Variants in SLC25A48 observed in about 807,000 individuals in gnomAD.
SLC25A48 encodes CTC-321K16.1.
In SLC25A48, 29 loss-of-function variants were observed where a neutral mutation model predicts 32.2. The ratio of observed to expected loss-of-function variants is 0.90; its 90% CI spans 0.67 to 1.23. The LOEUF is 1.23. SLC25A48 is among the 50% of genes most tolerant of loss of function. The pLI, the probability that SLC25A48 is intolerant of heterozygous loss-of-function variation, is 0.00. For missense variants in SLC25A48, 399 were observed against 422.7 expected, an observed-to-expected ratio of 0.94 and a Z score of 0.49; for synonymous variants, 164 against 172.3, an observed-to-expected ratio of 0.95 and a Z score of 0.38.
chr5:135,705,862 A>G (rs967729685), intron 3 of SLC25A48, among the ~76,000 whole-genome samples: 1 of 152,130 alleles, frequency 6.6e-6, no homozygotes, highest in Non-Finnish European at 1.5e-5. Context: ...GCTGGTCCCC[A>G]TGGCAAAGTC....
chr5:135,583,752 A>C (rs1216068618), intron 1 of SLC25A48, among the ~76,000 whole-genome samples: 1 of 152,026 alleles, frequency 6.6e-6, no homozygotes, highest in Non-Finnish European at 1.5e-5. Context: ...GTCACCCCAA[A>C]ATACCTGCTT....
At chr5:135,604,122 G>A (rs1209210805) in intron 1 of SLC25A48, among the ~76,000 whole-genome samples, 8 of 152,190 alleles carry the variant, frequency 5.3e-5, no homozygotes, top group East Asian at 1.9e-4. Flanking sequence ...CCTCTGTGCA[G>A]GTGAGAAAAC....
upstream of SLC25A48, among the ~76,000 whole-genome samples, chr5:135,832,110 G>A (rs541638450): frequency 6.6e-5 from 10 of 152,090 alleles, no homozygotes; most frequent in African/African-American, 1.9e-4. Flanking sequence ...AGAGTTCATC[G>A]AGGGATGCGC....
chr5:135,812,794 C>A (rs1373508106), exon 4 of SLC25A48: 1 of 151,818 alleles, frequency 6.6e-6, no homozygotes, highest in Non-Finnish European at 1.5e-5. Flanking sequence ...TTCACCCCAG[C>A]TGCCCATGTA....
At chr5:135,709,919 T>G (rs943102192) in intron 3 of SLC25A48, among the ~76,000 whole-genome samples, 4 of 152,164 alleles carry the variant, frequency 2.6e-5, no homozygotes, top group Admixed American at 6.5e-5. Flanking sequence ...TATTATCACC[T>G]AGGTCGTTGG....
intron 4 of SLC25A48, among the ~76,000 whole-genome samples, chr5:135,865,639 C>T (rs1400517117): frequency 1.3e-5 from 2 of 152,082 alleles, no homozygotes; most frequent in Admixed American, 6.5e-5. Context: ...ATATGGGACT[C>T]GGGCCATAGT....
intron 3 of SLC25A48, among the ~76,000 whole-genome samples, chr5:135,722,540 T>G (rs1754981510): frequency 6.6e-6 from 1 of 152,240 alleles, no homozygotes; most frequent in African/African-American, 2.4e-5. Context: ...TGGAACTGAA[T>G]CTCATTCTGT....
chr5:135,876,589 A>G (rs1295680820), intron 6 of SLC25A48, among the ~76,000 whole-genome samples: 1 of 152,128 alleles, frequency 6.6e-6, no homozygotes, highest in East Asian at 1.9e-4. Flanking sequence ...ATGAGGATAT[A>G]CTATCTCGAT....
At chr5:135,797,369 A>G (rs1370882430) in intron 3 of SLC25A48, among the ~76,000 whole-genome samples, 1 of 151,910 alleles carries the variant, frequency 6.6e-6, no homozygotes, top group East Asian at 1.9e-4. Flanking sequence ...ATTATTTCTA[A>G]TATCGTGAGG....
intron 3 of SLC25A48, among the ~76,000 whole-genome samples, chr5:135,672,435 G>A (rs1273154334): frequency 2.0e-5 from 3 of 152,182 alleles, no homozygotes; most frequent in African/African-American, 7.2e-5. Flanking sequence ...TCCATCACCA[G>A]ACAGGTTAAA....
At chr5:135,742,730 G>A (rs1487071004) in intron 3 of SLC25A48, 1 of 380,920 alleles carries the variant, frequency 2.6e-6, no homozygotes, top group Non-Finnish European at 4.8e-6. Flanking sequence ...GTCAACAGTA[G>A]AAGTAAGTGC....
At chr5:135,792,574 A>G (rs566269549) in intron 3 of SLC25A48, among the ~76,000 whole-genome samples, 101 of 151,646 alleles carry the variant, frequency 6.7e-4, no homozygotes, top group African/African-American at 2.3e-3. Flanking sequence ...AGTTTTGGAG[A>G]TATTACTCTC....
chr5:135,603,345 A>C (rs1462491927), intron 1 of SLC25A48, among the ~76,000 whole-genome samples: 2 of 152,236 alleles, frequency 1.3e-5, no homozygotes, highest in Non-Finnish European at 2.9e-5. Context: ...CTTTCTGAAG[A>C]CGCTTTCATG....
chr5:135,785,732 T>C (rs1328189273), intron 3 of SLC25A48, among the ~76,000 whole-genome samples: 1 of 149,364 alleles, frequency 6.7e-6, no homozygotes, highest in African/African-American at 2.5e-5. Flanking sequence ...GAGGGTGATG[T>C]TACTCTCCAT....
intron 4 of SLC25A48, among the ~76,000 whole-genome samples, chr5:135,828,069 G>A (rs17169187): frequency 6.6e-6 from 1 of 152,128 alleles, no homozygotes; most frequent in Non-Finnish European, 1.5e-5. Context: ...ACCCCTTGGC[G>A]AGCTGGAGGT....
intron 3 of SLC25A48, among the ~76,000 whole-genome samples, chr5:135,805,558 C>T (rs1389254471): frequency 1.3e-5 from 2 of 151,414 alleles, no homozygotes; most frequent in African/African-American, 4.8e-5. Context: ...TTAGTTATAA[C>T]ATCATAGGGA....
At chr5:135,817,233 G>A (rs1757743414) in intron 4 of SLC25A48, among the ~76,000 whole-genome samples, 1 of 152,166 alleles carries the variant, frequency 6.6e-6, no homozygotes, top group Non-Finnish European at 1.5e-5. Context: ...GGCCAGAGAT[G>A]CTGCTAAACA....
chr5:135,783,365 G>A lies in SLC25A48; in HGVS notation c.-520-29158G>A, dbSNP rs183506161. Among the ~76,000 whole-genome samples the A allele has an allele frequency of 1.0e-3, 118 of 118,048 alleles. 13 individuals are homozygous for A. The highest frequency in any genetic ancestry group is 2.8e-3 in the African/African-American group (109 of 38,772). 77.4% of individuals were successfully genotyped at this position (118,048 alleles called of 152,430 possible). On this transcript the variant is annotated intron_variant, in intron 3 of 10. Transcript: ENST00000646290. ...ACATTGTTTCTAATATCCAGAAGGG[G>A]AAAGAATGATATTACTTTCAGTATC...
chr5:135,750,507 A>T (rs916477177), intron 3 of SLC25A48, among the ~76,000 whole-genome samples: 7 of 152,200 alleles, frequency 4.6e-5, no homozygotes, highest in African/African-American at 1.7e-4. Flanking sequence ...GGGAAGTGGC[A>T]GTCACTTTCA....
Sources: allele counts gnomAD v4.1 joint callset (sites outside exome capture counted in the v4.1 genomes callset), GRCh38; gene constraint gnomAD v4.1.1; transcripts MANE v1.5; gene names NCBI Gene and HGNC (gene_info 2026-07-23, HGNC 2026-07-21).